The following DNAH6 variants were observed in gnomAD, a reference collection of about 807,000 sequenced individuals.
DNAH6 encodes the protein axonemal beta dynein heavy chain 6.
In DNAH6, 340 loss-of-function variants were observed where a neutral mutation model predicts 491.4. That is an observed-to-expected ratio of 0.69 (90% CI 0.63 to 0.76). The LOEUF (loss-of-function observed/expected upper bound fraction) is 0.76, where lower values mean the gene tolerates loss of function less well. Among genes scored for constraint, DNAH6 ranks in the 30% least tolerant of loss-of-function variants. DNAH6 has a pLI of 0.00. For missense variants in DNAH6, 4,443 were observed against 4,972.2 expected, an observed-to-expected ratio of 0.89 and a Z score of 3.20; for synonymous variants, 1,603 against 1,686.1, an observed-to-expected ratio of 0.95 and a Z score of 1.21.
At chr2:84,468,399 C>A in the DNAH6 span, among the ~76,000 whole-genome samples, 22 of 152,150 alleles carry the variant, frequency 1.4e-4, no homozygotes, top group African/African-American at 5.3e-4. Context: ...TGTGGTGCCT[C>A]CTGTTTACCC....
intron 43 of DNAH6, 119 bp from the exon 44 acceptor site, chr2:84,686,365 T>TA: frequency 6.5e-6 from 4 of 619,754 alleles, no homozygotes. Flanking sequence ...TCTCAGTTTT[T>TA]ATGTATATTA....
At chr2:84,644,307 C>T (rs1219151051) in intron 33 of DNAH6, among the ~76,000 whole-genome samples, 1 of 152,170 alleles carries the variant, frequency 6.6e-6, no homozygotes, top group African/African-American at 2.4e-5. Flanking sequence ...GATTAACTCT[C>T]CTGGCTTCTC....
intron 37 of DNAH6, among the ~76,000 whole-genome samples, chr2:84,661,698 T>A (rs1353910401): frequency 6.6e-6 from 1 of 152,230 alleles, no homozygotes; most frequent in African/African-American, 2.4e-5. Context: ...GATACTATTA[T>A]TAAGTTATCA....
chr2:84,604,440 A>G lies in DNAH6; in HGVS notation c.2970A>G (p.Pro990=). ...VDATLVDAEI[P]LTLERLSQLH... is the part of the protein sequence containing the mutation. ...CCACTCTAGTGGATGCTGAAATTCC[A>G]TTAACCTTGGAGAGGCTCTCCCAGT... Residue 990 remains proline, a synonymous_variant, in exon 19 of 77, where the codon CCA becomes CCG. Transcript: ENST00000389394. The G allele has an allele frequency of 6.4e-7, 1 of 1,551,976 alleles. No individual in the cohort carries two copies. The highest frequency in any genetic ancestry group is 1.2e-5 in the South Asian group (1 of 84,060).
At chr2:84,532,783 C>G (rs1207417278) in intron 4 of DNAH6, among the ~76,000 whole-genome samples, 2 of 151,954 alleles carry the variant, frequency 1.3e-5, no homozygotes, top group Non-Finnish European at 2.9e-5. Flanking sequence ...CTTCTTATAG[C>G]AAAAAACTTT....
At chr2:84,607,199 G>GT in intron 21 of DNAH6, 104 bp downstream of exon 21, 2 of 1,172,538 alleles carry the variant, frequency 1.7e-6, no homozygotes, top group Non-Finnish European at 2.4e-6. Flanking sequence ...GTTTTAAAAT[G>GT]TAAGTTTTAA....
At chr2:84,463,536 T>C in the DNAH6 span, among the ~76,000 whole-genome samples, 1 of 152,310 alleles carries the variant, frequency 6.6e-6, no homozygotes. Context: ...ATCCAGTTTC[T>C]TGTGTATCCT....
chr2:84,805,589 A>G (rs889235206), intron 70 of DNAH6, 76 bp from the exon 71 acceptor site: 26 of 1,344,728 alleles, frequency 1.9e-5, no homozygotes, highest in Non-Finnish European at 2.6e-5. Context: ...TTACTTTTGT[A>G]AATAATTATG....
chr2:84,753,760 A>T (rs1165577012), intron 63 of DNAH6, among the ~76,000 whole-genome samples: 1 of 139,096 alleles, frequency 7.2e-6, no homozygotes, highest in African/African-American at 2.5e-5. Context: ...TCTGTTAAAA[A>T]AAAAAAAAAA....
Position 84,787,296 on chromosome 2 carries a change from A to G in DNAH6, c.11233A>G (p.Ile3745Val), listed in dbSNP as rs1411418353. The G allele has an allele frequency of 3.9e-6, 6 of 1,548,408 alleles. No individual in the cohort carries two copies. Among genetic ancestry groups the G allele is most frequent in the Non-Finnish European group, 5.2e-6 (6 of 1,145,784 alleles). Reference protein sequence around the residue: ...GKIPWDALIYITGEITYGGRV... With the variant: ...GKIPWDALIYVTGEITYGGRV... ...GATTCCCTGGGATGCACTAATTTAC[A>G]TTACTGGTGAGTACGTCCTTGTGGC... Residue 3745 changes from isoleucine (I) to valine (V), a missense_variant, in exon 68 of 77, where the codon ATT becomes GTT. Transcript: ENST00000389394.
chr2:84,736,535 A>C (rs1699554397), intron 62 of DNAH6, among the ~76,000 whole-genome samples: 1 of 151,562 alleles, frequency 6.6e-6, no homozygotes, highest in Non-Finnish European at 1.5e-5. Context: ...TTTTGTAGTT[A>C]CTCTTATAGA....
the DNAH6 span, among the ~76,000 whole-genome samples, chr2:84,465,490 G>C: frequency 3.3e-5 from 5 of 151,876 alleles, no homozygotes; most frequent in African/African-American, 9.7e-5. Flanking sequence ...GTGAGACTCT[G>C]TCTCAAAACA....
At chr2:84,544,076 T>A (rs1678528252) in intron 4 of DNAH6, among the ~76,000 whole-genome samples, 157 bp from the exon 5 acceptor site, 1 of 152,200 alleles carries the variant, frequency 6.6e-6, no homozygotes, top group Non-Finnish European at 1.5e-5. Context: ...TCTTGAGTAA[T>A]GTATTTAATG....
intron 63 of DNAH6, among the ~76,000 whole-genome samples, chr2:84,760,520 A>G (rs1674470173): frequency 6.6e-6 from 1 of 152,200 alleles, no homozygotes; most frequent in South Asian, 2.1e-4. Context: ...ACATTTTTCA[A>G]AAGACATACA....
chr2:84,611,578 A>G (rs1686337125), intron 21 of DNAH6, 96 bp from the exon 22 acceptor site: 1 of 1,094,594 alleles, frequency 9.1e-7, no homozygotes, highest in African/African-American at 1.6e-5. Context: ...CCTCAAGGAA[A>G]AAGATACAGT....
chr2:84,749,476 C>T (rs1673266456), intron 63 of DNAH6, among the ~76,000 whole-genome samples: 1 of 152,094 alleles, frequency 6.6e-6, no homozygotes, highest in African/African-American at 2.4e-5. Context: ...CAAGTGATGA[C>T]AATGTTCTGA....
intron 18 of DNAH6, among the ~76,000 whole-genome samples, chr2:84,596,836 T>G (rs1323751560): frequency 2.0e-5 from 3 of 152,194 alleles, no homozygotes; most frequent in African/African-American, 7.2e-5. Context: ...CTTTCTTTAT[T>G]GCCTTTAGTG....
At chr2:84,471,415 CTT>C in the DNAH6 span, among the ~76,000 whole-genome samples, 1 of 152,168 alleles carries the variant, frequency 6.6e-6, no homozygotes, top group Non-Finnish European at 1.5e-5. Context: ...CAAGAGGACC[CTT>C]AATCCTAGGA....
At chr2:84,531,742 G>A (rs1178008579) in intron 4 of DNAH6, among the ~76,000 whole-genome samples, 14 of 44,316 alleles carry the variant, frequency 3.2e-4, no homozygotes, top group Non-Finnish European at 1.4e-3. Flanking sequence ...AAGGAGAATT[G>A]GGGTAAAAAA....
Sources: gnomAD v4.1 joint callset for allele counts (sites outside exome capture counted in the v4.1 genomes callset) on GRCh38, gnomAD v4.1.1 for gene constraint, MANE v1.5 for transcripts, NCBI Gene and HGNC (gene_info 2026-07-23, HGNC 2026-07-21) for gene names.